NUBPL: variants seen among roughly 807,000 people sequenced by gnomAD.
The protein encoded by NUBPL is NUBP iron-sulfur cluster assembly factor, mitochondrial.
NUBPL carries 31 observed loss-of-function variants against 45.7 expected under a neutral mutation model. That is an observed-to-expected ratio of 0.68 (90% CI 0.51 to 0.92). The LOEUF (loss-of-function observed/expected upper bound fraction) is 0.92, where lower values mean the gene tolerates loss of function less well. Among genes scored for constraint, NUBPL ranks in the 40% least tolerant of loss-of-function variants. NUBPL has a pLI of 0.00. For synonymous variants in NUBPL, 144 were observed against 140.9 expected (o/e 1.02, Z -0.15); for missense variants, 401 against 398.7 (o/e 1.01, Z -0.05).
In NUBPL at chr14:31,846,541, G is replaced by C; in HGVS notation, c.764G>C (p.Gly255Ala). 1 of 1,613,440 alleles carries C rather than the reference G, an allele frequency of 6.2e-7. No individual in the cohort carries two copies. The highest frequency in any genetic ancestry group is 8.5e-7 in the Non-Finnish European group (1 of 1,179,756). Residue 255 changes from glycine to alanine, a missense_variant, in exon 9 of 11, where the codon GGT (glycine) becomes GCT (alanine). Physicochemically the swap from Gly to Ala is moderately conservative, Grantham distance 60. Coordinates refer to ENST00000281081, the MANE Select transcript of NUBPL (RefSeq NM_025152.3). The stretch of plus-strand genomic sequence containing the variant: ...TGTAAACACAAAACTCATATTTTTG[G>C]TGCTGATGGTGCAAGGAAACTAGCA... ...PKCKHKTHIFGADGARKLAQT... is the reference protein window; with the variant it reads ...PKCKHKTHIFAADGARKLAQT...
chr14:31,614,130 G>A (rs765201513), intron 4 of NUBPL, among the ~76,000 whole-genome samples: 4 of 152,152 alleles, frequency 2.6e-5, no homozygotes, highest in Non-Finnish European at 5.9e-5. Flanking sequence ...CAGTAGTATT[G>A]TGGGGATTAG....
chr14:31,734,865 T>C (rs1243559138), intron 6 of NUBPL, among the ~76,000 whole-genome samples: 1 of 152,224 alleles, frequency 6.6e-6, no homozygotes, highest in Non-Finnish European at 1.5e-5. Context: ...CTGTATGGTC[T>C]TTGTAGATCT....
chr14:31,644,028 C>T lies in NUBPL; in HGVS notation c.383-29327C>T, dbSNP rs1445931037. Among the ~76,000 whole-genome samples the T allele has an allele frequency of 2.0e-5, 3 of 151,592 alleles. No individual in the cohort carries two copies. The East Asian group carries it at 5.8e-4, about 29-fold the overall frequency. On this transcript the variant is annotated intron_variant, in intron 4 of 10. Coordinates refer to ENST00000281081, the MANE Select transcript of NUBPL (RefSeq NM_025152.3). ...TCTGATTTTATTTTTTTTGGGTCAT[C>T]CCTCTTTTTTCTTAGTTAATCTAGC...
chr14:31,815,800 T>G (rs1228289157), intron 7 of NUBPL, among the ~76,000 whole-genome samples: 1 of 152,208 alleles, frequency 6.6e-6, no homozygotes, highest in Non-Finnish European at 1.5e-5. Context: ...AATCATGTGG[T>G]TTTTGTCATT....
chr14:31,607,964 A>G (rs2034647034), intron 4 of NUBPL, among the ~76,000 whole-genome samples: 1 of 152,220 alleles, frequency 6.6e-6, no homozygotes. Context: ...CCAAAGATCA[A>G]GGATAAAGAA....
chr14:31,623,832 TA>T (rs1419848103), intron 4 of NUBPL, among the ~76,000 whole-genome samples: 9 of 152,174 alleles, frequency 5.9e-5, no homozygotes, highest in African/African-American at 2.2e-4. Flanking sequence ...ATGGTTAAAG[TA>T]AAAGTCTTTG....
At chr14:31,573,781 A>G (rs1462633700) in intron 3 of NUBPL, among the ~76,000 whole-genome samples, 5 of 152,166 alleles carry the variant, frequency 3.3e-5, no homozygotes, top group Admixed American at 6.5e-5. Flanking sequence ...TTTCTCTGCT[A>G]TGGTGCCTTG....
chr14:31,823,608 T>C (rs2040052422), intron 7 of NUBPL, among the ~76,000 whole-genome samples: 1 of 152,104 alleles, frequency 6.6e-6, no homozygotes, highest in Non-Finnish European at 1.5e-5. Context: ...TTCTAAAAGC[T>C]ATTTATAGTT....
intron 8 of NUBPL, among the ~76,000 whole-genome samples, chr14:31,832,714 C>G (rs1411301015): frequency 6.6e-6 from 1 of 152,072 alleles, no homozygotes; most frequent in Non-Finnish European, 1.5e-5. Context: ...TGATAGGAAA[C>G]TACTTGCAGA....
chr14:31,570,711 C>G (rs960508011), intron 3 of NUBPL, among the ~76,000 whole-genome samples: 1 of 152,108 alleles, frequency 6.6e-6, no homozygotes, highest in Non-Finnish European at 1.5e-5. Flanking sequence ...AATTAAGGCA[C>G]GTGCTACTTT....
intron 4 of NUBPL, among the ~76,000 whole-genome samples, chr14:31,614,212 A>C (rs1207499196): frequency 6.6e-6 from 1 of 152,182 alleles, no homozygotes; most frequent in African/African-American, 2.4e-5. Flanking sequence ...TTTTGTTTCA[A>C]ACAAATAAAT....
At chr14:31,710,128 GA>G (rs1025380051) in intron 6 of NUBPL, among the ~76,000 whole-genome samples, 1 of 151,922 alleles carries the variant, frequency 6.6e-6, no homozygotes, top group African/African-American at 2.4e-5. Context: ...CTGTAGCACA[GA>G]AAAAAAATGT....
At chr14:31,856,239 TC>T (rs2040616775) in intron 10 of NUBPL, among the ~76,000 whole-genome samples, 1 of 151,926 alleles carries the variant, frequency 6.6e-6, no homozygotes, top group South Asian at 2.1e-4. Flanking sequence ...GCAAGTAGAC[TC>T]CCATTTTTTT....
chr14:31,647,452 T>C (rs1465201023), intron 4 of NUBPL, among the ~76,000 whole-genome samples: 2 of 152,256 alleles, frequency 1.3e-5, no homozygotes, highest in Admixed American at 6.5e-5. Flanking sequence ...GCCTGAGCTC[T>C]AGTATTCAGT....
intron 2 of NUBPL, among the ~76,000 whole-genome samples, chr14:31,564,280 T>C (rs2033376636): frequency 6.6e-6 from 1 of 152,202 alleles, no homozygotes; most frequent in African/African-American, 2.4e-5. Flanking sequence ...CACATTTTAC[T>C]CTCTTACCTT....
chr14:31,740,027 G>A (rs1415348983), intron 6 of NUBPL, among the ~76,000 whole-genome samples: 2 of 152,248 alleles, frequency 1.3e-5, no homozygotes, highest in Non-Finnish European at 1.5e-5. Context: ...TTCATTGTTT[G>A]TGTATATCAC....
intron 8 of NUBPL, among the ~76,000 whole-genome samples, chr14:31,828,589 T>G (rs1424533232): frequency 6.6e-6 from 1 of 152,154 alleles, no homozygotes; most frequent in Non-Finnish European, 1.5e-5. Context: ...AGTAAGACCT[T>G]TTTAAAATTT....
At chr14:31,838,093 T>C (rs1000729054) in intron 8 of NUBPL, among the ~76,000 whole-genome samples, 4 of 152,034 alleles carry the variant, frequency 2.6e-5, no homozygotes, top group Admixed American at 6.6e-5. Context: ...GCCAGCACAA[T>C]GAGAGTCTAC....
At chr14:31,694,671 A>C (rs1451580249) in intron 6 of NUBPL, among the ~76,000 whole-genome samples, 1 of 152,122 alleles carries the variant, frequency 6.6e-6, no homozygotes, top group East Asian at 1.9e-4. Flanking sequence ...GTGCGCCATG[A>C]CGTCTGGCTA....
Sources: allele counts gnomAD v4.1 joint callset (sites outside exome capture counted in the v4.1 genomes callset), GRCh38; gene constraint gnomAD v4.1.1; transcripts MANE v1.5; gene names NCBI Gene and HGNC (gene_info 2026-07-23, HGNC 2026-07-21).